TRIM44: variants seen among roughly 807,000 people sequenced by gnomAD.
TRIM44 encodes the protein tripartite motif-containing protein 44.
In TRIM44, 13 loss-of-function variants were observed where a neutral mutation model predicts 37.4. The ratio of observed to expected loss-of-function variants is 0.35; its 90% CI spans 0.23 to 0.55. The LOEUF (loss-of-function observed/expected upper bound fraction) is 0.55, where lower values mean the gene tolerates loss of function less well. Among genes scored for constraint, TRIM44 ranks in the 20% least tolerant of loss-of-function variants. The probability of loss-of-function intolerance (pLI) is 0.89; values close to 1 mark genes in which losing one functional copy is unlikely to be tolerated. For synonymous variants in TRIM44, 175 were observed against 157.2 expected (o/e 1.11, Z -0.85); for missense variants, 426 against 437.2 (o/e 0.97, Z 0.23).
At chr11:35,785,013 C>A (rs1270162055) in intron 4 of TRIM44, among the ~76,000 whole-genome samples, 3 of 152,122 alleles carry the variant, frequency 2.0e-5, no homozygotes, top group Non-Finnish European at 4.4e-5. Flanking sequence ...GTGCAATAAC[C>A]TTAAAGAAGG....
At chr11:35,685,184 T>C (rs935033844) in intron 1 of TRIM44, 75 bp from the exon 2 acceptor site, 8 of 1,268,376 alleles carry the variant, frequency 6.3e-6, no homozygotes, top group African/African-American at 3.0e-5. Flanking sequence ...TATTTCATTG[T>C]CTTCCAAAAT....
intron 4 of TRIM44, among the ~76,000 whole-genome samples, chr11:35,763,784 C>A (rs1565008615): frequency 1.3e-5 from 2 of 152,172 alleles, no homozygotes; most frequent in African/African-American, 2.4e-5. Context: ...CCTTCGCTTT[C>A]TCCTTGGCTT....
At chr11:35,695,041 A>G (rs1851679515) in intron 2 of TRIM44, among the ~76,000 whole-genome samples, 1 of 152,202 alleles carries the variant, frequency 6.6e-6, no homozygotes, top group Non-Finnish European at 1.5e-5. Context: ...AAAATGTTTA[A>G]ATGGCCCATC....
At chr11:35,773,824 G>C (rs545704993) in intron 4 of TRIM44, among the ~76,000 whole-genome samples, 1 of 152,312 alleles carries the variant, frequency 6.6e-6, no homozygotes, top group African/African-American at 2.4e-5. Context: ...TGGCTGCATA[G>C]TATCCCGTGG....
chr11:35,796,654 A>G (rs961668156), intron 4 of TRIM44, among the ~76,000 whole-genome samples: 4 of 152,186 alleles, frequency 2.6e-5, no homozygotes, highest in African/African-American at 9.7e-5. Flanking sequence ...GGTTCCTTTC[A>G]GACCTCATCA....
At chr11:35,674,284 A>G (rs1442802500) in intron 1 of TRIM44, among the ~76,000 whole-genome samples, 1 of 151,894 alleles carries the variant, frequency 6.6e-6, no homozygotes, top group South Asian at 2.1e-4. Flanking sequence ...GCGTGTATGT[A>G]TATATCGCTA....
rs1853493895 is a variant in TRIM44 at position 35,809,035 on chromosome 11, T to C, written c.*2650T>C. ...GTTTCCAGAATCAGTCGGATACTCATAGCAATTTCTGGCTATCTTTCAAAT... is the reference window on the plus strand; with the variant it reads ...GTTTCCAGAATCAGTCGGATACTCACAGCAATTTCTGGCTATCTTTCAAAT... On this transcript the variant is annotated 3_prime_UTR_variant, in exon 5 of 5. Transcript: ENST00000299413. The C allele has an allele frequency of 1.3e-5, 2 of 152,252 alleles. No homozygotes were observed. Among genetic ancestry groups the C allele is most frequent in the Non-Finnish European group, 2.9e-5 (2 of 68,056 alleles). 9.4% of individuals were successfully genotyped at this position (152,252 alleles called of 1,614,324 possible). A position where few individuals can be genotyped will look rare whatever the true frequency, so the allele number is the denominator to read the frequency against.
intron 4 of TRIM44, among the ~76,000 whole-genome samples, chr11:35,759,606 C>G (rs2077290015): frequency 6.6e-6 from 1 of 152,166 alleles, no homozygotes; most frequent in African/African-American, 2.4e-5. Flanking sequence ...TTTTTCTGCT[C>G]TGTTTTTTCC....
intron 2 of TRIM44, among the ~76,000 whole-genome samples, chr11:35,705,011 A>G (rs1321329482): frequency 6.7e-6 from 1 of 148,796 alleles, no homozygotes; most frequent in Non-Finnish European, 1.5e-5. Context: ...TGTATTCAGG[A>G]AACCCATCTC....
At chr11:35,691,622 A>T (rs1273484439) in intron 2 of TRIM44, among the ~76,000 whole-genome samples, 15 of 152,102 alleles carry the variant, frequency 9.9e-5, no homozygotes, top group Non-Finnish European at 2.9e-5. Flanking sequence ...GAATAGGCTT[A>T]TTTATTTTAT....
At chr11:35,704,223 A>G (rs1281306878) in intron 2 of TRIM44, among the ~76,000 whole-genome samples, 1 of 152,238 alleles carries the variant, frequency 6.6e-6, no homozygotes, top group Non-Finnish European at 1.5e-5. Flanking sequence ...AAGAATAAAA[A>G]GGAACGAACA....
chr11:35,730,927 G>C (rs1564983642), intron 3 of TRIM44, among the ~76,000 whole-genome samples: 1 of 146,228 alleles, frequency 6.8e-6, no homozygotes, highest in Non-Finnish European at 1.5e-5. Context: ...TCGGCTCACT[G>C]CAGATATTAG....
chr11:35,778,947 G>A (rs567768255), intron 4 of TRIM44, among the ~76,000 whole-genome samples: 3 of 152,340 alleles, frequency 2.0e-5, no homozygotes, highest in African/African-American at 4.8e-5. Flanking sequence ...AAACGCCGTT[G>A]TGGGAGAACC....
chr11:35,803,835 T>C (rs1052373450), intron 4 of TRIM44, among the ~76,000 whole-genome samples: 1 of 152,176 alleles, frequency 6.6e-6, no homozygotes, highest in Admixed American at 6.5e-5. Context: ...CTCACACTAA[T>C]TATATTGTTG....
chr11:35,749,394 A>G (rs1852534154), intron 4 of TRIM44, among the ~76,000 whole-genome samples: 2 of 152,304 alleles, frequency 1.3e-5, no homozygotes, highest in South Asian at 4.1e-4. Context: ...AGAATAAGAG[A>G]GCAGTAGAGG....
At chr11:35,727,102 G>T (rs1226138473) in intron 3 of TRIM44, among the ~76,000 whole-genome samples, 1 of 151,542 alleles carries the variant, frequency 6.6e-6, no homozygotes, top group African/African-American at 2.4e-5. Flanking sequence ...AGGCTGCAGT[G>T]AGCTGTGATT....
intron 3 of TRIM44, among the ~76,000 whole-genome samples, chr11:35,734,733 C>G (rs770951611): frequency 1.2e-4 from 18 of 152,104 alleles, no homozygotes; most frequent in Non-Finnish European, 2.6e-4. Flanking sequence ...AATGCCATAC[C>G]TGGAAAAATA....
At chr11:35,795,244 T>A (rs1249461828) in intron 4 of TRIM44, among the ~76,000 whole-genome samples, 6 of 152,038 alleles carry the variant, frequency 3.9e-5, no homozygotes, top group Non-Finnish European at 8.8e-5. Context: ...ATTCTAGGGG[T>A]TATAGGAAGC....
chr11:35,714,443 C>T (rs1852014424), intron 2 of TRIM44, among the ~76,000 whole-genome samples: 1 of 152,168 alleles, frequency 6.6e-6, no homozygotes, highest in Admixed American at 6.5e-5. Flanking sequence ...CCTTTCTCTA[C>T]TCTATCAAAG....
Sources: gnomAD v4.1 joint callset for allele counts (sites outside exome capture counted in the v4.1 genomes callset) on GRCh38, gnomAD v4.1.1 for gene constraint, MANE v1.5 for transcripts, NCBI Gene and HGNC (gene_info 2026-07-23, HGNC 2026-07-21) for gene names.